RGS6: variants seen among roughly 807,000 people sequenced by gnomAD.
RGS6 encodes regulator of G-protein signaling 6.
Under a neutral mutation model 78.5 loss-of-function variants are expected in RGS6, and 30 were observed. That is an observed-to-expected ratio of 0.38 (90% CI 0.29 to 0.52). The LOEUF (loss-of-function observed/expected upper bound fraction) is 0.52, where lower values mean the gene tolerates loss of function less well. RGS6 is among the 20% of genes least tolerant of loss of function. The pLI, the probability that RGS6 is intolerant of heterozygous loss-of-function variation, is 0.85. For missense variants in RGS6, 495 were observed against 609.7 expected (o/e 0.81, Z 1.98); for synonymous variants, 206 against 206.0 (o/e 1.00, Z 0.00).
the RGS6 span, among the ~76,000 whole-genome samples, chr14:72,585,541 G>A: frequency 6.6e-6 from 1 of 152,202 alleles, no homozygotes; most frequent in East Asian, 1.9e-4. Flanking sequence ...GCCCTTCAAA[G>A]TTGTCTTGAG....
At chr14:72,385,394 A>G (rs2087636644) in intron 3 of RGS6, among the ~76,000 whole-genome samples, 1 of 152,220 alleles carries the variant, frequency 6.6e-6, no homozygotes, top group Non-Finnish European at 1.5e-5. Context: ...GTGTTATCAG[A>G]CAGTGTTCAC....
chr14:72,358,300 AGGAGC>A (rs1215181276), intron 3 of RGS6, among the ~76,000 whole-genome samples: 2 of 152,186 alleles, frequency 1.3e-5, no homozygotes, highest in African/African-American at 4.8e-5. Context: ...CACTGCCTAG[AGGAGC>A]TGTAAGAAGA....
chr14:72,441,431 A>G (rs1246125384), intron 3 of RGS6, among the ~76,000 whole-genome samples: 2 of 152,250 alleles, frequency 1.3e-5, no homozygotes, highest in African/African-American at 4.8e-5. Flanking sequence ...AAATGGAATT[A>G]GGGATCTTAG....
intron 2 of RGS6, among the ~76,000 whole-genome samples, chr14:72,308,391 C>T (rs962992829): frequency 6.6e-6 from 1 of 152,184 alleles, no homozygotes; most frequent in Admixed American, 6.5e-5. Context: ...CAGAAATTGT[C>T]TTTGCCTCCT....
chr14:72,181,593 C>A (rs1276972187), intron 2 of RGS6, among the ~76,000 whole-genome samples: 2 of 152,198 alleles, frequency 1.3e-5, no homozygotes, highest in African/African-American at 4.8e-5. Context: ...ATTCCTTCTG[C>A]ATAATGTGCT....
intron 3 of RGS6, among the ~76,000 whole-genome samples, chr14:72,436,275 T>C (rs78253346): frequency 6.6e-6 from 1 of 152,080 alleles, no homozygotes. Flanking sequence ...TTTTTTTTTT[T>C]CTGGAACATA....
At chr14:72,088,063 AAG>A (rs2095120828) in intron 2 of RGS6, among the ~76,000 whole-genome samples, 1 of 152,162 alleles carries the variant, frequency 6.6e-6, no homozygotes, top group Non-Finnish European at 1.5e-5. Context: ...GGGCTGAGCA[AAG>A]AGAAGACCAG....
Position 72,365,053 on chromosome 14 carries a change from G to A in RGS6, c.184+12859G>A, listed in dbSNP as rs185628917. Among the ~76,000 whole-genome samples the A allele has an allele frequency of 2.9e-4, 44 of 152,286 alleles. 1 individual carries two copies. The East Asian group carries it at 6.2e-3, about 21-fold the overall frequency. On this transcript the variant is annotated intron_variant, in intron 3 of 17. Coordinates refer to ENST00000553525, the MANE Select transcript of RGS6 (RefSeq NM_001204424.2). ...AACATATCCAGATCATCCCAAAGGCGAAAAGAGAAGCAACTGTTAATGACC... is the reference window on the plus strand; with the variant it reads ...AACATATCCAGATCATCCCAAAGGCAAAAAGAGAAGCAACTGTTAATGACC...
chr14:72,473,977 A>G (rs556508874), intron 9 of RGS6: 8 of 152,418 alleles, frequency 5.2e-5, no homozygotes, highest in Admixed American at 5.2e-4. Flanking sequence ...GAAATGCAGA[A>G]AAGTTGGCAC....
At chr14:72,154,297 T>G (rs756000604) in intron 2 of RGS6, among the ~76,000 whole-genome samples, 5 of 152,218 alleles carry the variant, frequency 3.3e-5, no homozygotes, top group Non-Finnish European at 7.3e-5. Flanking sequence ...ACACACGTTT[T>G]ACAATCAATT....
At chr14:72,384,175 A>C (rs1275605487) in intron 3 of RGS6, among the ~76,000 whole-genome samples, 1 of 152,182 alleles carries the variant, frequency 6.6e-6, no homozygotes, top group Non-Finnish European at 1.5e-5. Context: ...AAGTTAAAAT[A>C]AACACTGGGG....
At chr14:72,265,931 G>T (rs1171126973) in intron 2 of RGS6, among the ~76,000 whole-genome samples, 2 of 9,382 alleles carry the variant, frequency 2.1e-4, no homozygotes, top group Admixed American at 1.0e-3. Flanking sequence ...CAGTCCTATC[G>T]CTTTTTTGGG....
rs1303425584 is a variant in RGS6, at chr14:72,054,659, AAGAATC to A, written c.84+89789_84+89794del. On this transcript the variant is annotated intron_variant, in intron 2 of 17. Coordinates refer to ENST00000553525, the MANE Select transcript of RGS6 (RefSeq NM_001204424.2). ...AACCTGTGAGTGCAATGCCTAATCT[AAGAATC>A]AGAACATTATTCTTTTATACCCCTA... Among the ~76,000 whole-genome samples, 17 of 152,304 alleles carry A rather than the reference AAGAATC, an allele frequency of 1.1e-4. No homozygotes were observed. In the East Asian group the frequency reaches 3.1e-3, roughly 28 times the overall value.
At chr14:72,277,364 G>A (rs1005867836) in intron 2 of RGS6, among the ~76,000 whole-genome samples, 3 of 152,098 alleles carry the variant, frequency 2.0e-5, no homozygotes, top group African/African-American at 7.2e-5. Context: ...TTGGGAGGCC[G>A]AAGCGGGCGG....
intron 2 of RGS6, among the ~76,000 whole-genome samples, chr14:72,146,029 G>T (rs1318676904): frequency 1.3e-5 from 2 of 152,088 alleles, no homozygotes; most frequent in African/African-American, 2.4e-5. Flanking sequence ...GGTTCCAGAG[G>T]CTAAGAAGTC....
intron 2 of RGS6, among the ~76,000 whole-genome samples, chr14:72,099,669 G>C (rs1236576657): frequency 6.6e-6 from 1 of 152,154 alleles, no homozygotes; most frequent in East Asian, 1.9e-4. Context: ...AAAAGCTTGG[G>C]ACAGTTGTAT....
chr14:72,492,761 C>A (rs771052928), intron 12 of RGS6, among the ~76,000 whole-genome samples: 27 of 152,156 alleles, frequency 1.8e-4, no homozygotes, highest in Non-Finnish European at 3.5e-4. Flanking sequence ...TACCCACAGG[C>A]AAGAGACTGT....
At chr14:72,510,110 CT>C (rs1555446564) in intron 13 of RGS6, 43 bp from the exon 14 acceptor site, 1 of 1,534,208 alleles carries the variant, frequency 6.5e-7, no homozygotes, top group African/African-American at 1.4e-5. Flanking sequence ...ACGAGCTTTT[CT>C]CTGGTATTGA....
chr14:72,137,714 C>T, intron 2 of RGS6, among the ~76,000 whole-genome samples: 1 of 152,322 alleles, frequency 6.6e-6, no homozygotes, highest in South Asian at 2.1e-4. Context: ...ATCCTGAGTG[C>T]AGGAGCTTCT....
Sources: allele counts gnomAD v4.1 joint callset (sites outside exome capture counted in the v4.1 genomes callset), GRCh38; gene constraint gnomAD v4.1.1; transcripts MANE v1.5; gene names NCBI Gene and HGNC (gene_info 2026-07-23, HGNC 2026-07-21).